Variants in VAV2 observed in about 807,000 individuals in gnomAD.
The protein encoded by VAV2 is guanine nucleotide exchange factor VAV2.
In VAV2, 67 loss-of-function variants were observed where a neutral mutation model predicts 132.5. That is an observed-to-expected ratio of 0.51 (90% CI 0.42 to 0.62). The LOEUF (loss-of-function observed/expected upper bound fraction) is 0.62, where lower values mean the gene tolerates loss of function less well. VAV2 is among the 20% of genes least tolerant of loss of function. The probability of loss-of-function intolerance (pLI) is 0.00; values close to 1 mark genes in which losing one functional copy is unlikely to be tolerated. For synonymous variants in VAV2, 492 were observed against 443.5 expected (o/e 1.11, Z -1.37); for missense variants, 938 against 1,153.6 (o/e 0.81, Z 2.71).
rs1051634926 is a variant in VAV2 at position 133,926,785 on chromosome 9, T to C, written c.321+12318A>G. ...CAGTAGGCAGTGGCCCCTGGCTCCC[T>C]GTCTTCCCAGGCTCCGATCATCTGA... On this transcript the variant is annotated intron_variant, in intron 2 of 29. Transcript: ENST00000371850. The surrounding 1 kb of genome is among the most constrained non-coding windows in gnomAD (Gnocchi z 4.3). 4.6e-5 allele frequency among the ~76,000 whole-genome samples: 7 copies of C among 152,166 alleles called. No individual in the cohort carries two copies. The highest frequency in any genetic ancestry group is 1.7e-4 in the African/African-American group (7 of 41,442).
In VAV2 at chr9:133,784,431, A is replaced by C. The variant is rs367992984; in HGVS notation, c.1533-13T>G. ...CTTGATGTTTGACCTGGCAGGAGGG[A>C]AAGAGAGCAGATGCTACACCCACTG... On this transcript the variant is annotated splice_polypyrimidine_tract_variant and intron_variant, in intron 17 of 29. Coordinates refer to ENST00000371850, the MANE Select transcript of VAV2 (RefSeq NM_001134398.2). 2.5e-6 allele frequency: 4 copies of C among 1,613,624 alleles called. No homozygotes were observed. The African/African-American group carries it at 5.3e-5, about 22-fold the overall frequency.
rs1382760456 is a variant in VAV2, at chr9:133,935,039, C to T, written c.321+4064G>A. On this transcript the variant is annotated intron_variant, in intron 2 of 29. Transcript: ENST00000371850. The surrounding 1 kb of genome is among the most constrained non-coding windows in gnomAD (Gnocchi z 5.2). ...TCGGTTACCCCTGACCAGCCCCACC[C>T]ACCCCAGACGACAGTCAGTTCTGAC... Among the ~76,000 whole-genome samples, 1 of 151,962 alleles carries T rather than the reference C, an allele frequency of 6.6e-6. No homozygotes were observed. The highest frequency in any genetic ancestry group is 6.6e-5 in the Admixed American group (1 of 15,254).
Position 133,768,324 on chromosome 9 carries a change from A to G in VAV2, c.2589+118T>C. 7.3e-7 allele frequency: 1 copy of G among 1,379,290 alleles called. No homozygotes were observed. The highest frequency in any genetic ancestry group is 9.8e-7 in the Non-Finnish European group (1 of 1,025,634). 85.4% of individuals were successfully genotyped at this position (1,379,290 alleles called of 1,614,324 possible). A position where few individuals can be genotyped will look rare whatever the true frequency, so the allele number is the denominator to read the frequency against. On this transcript the variant is annotated intron_variant, in intron 29 of 29. Transcript: ENST00000371850. This position sits in a 1 kb window ranked among gnomAD's most constrained non-coding sequence, Gnocchi z 5.3. ...GCTGTGAGGATGAGGGAGATTGCAG[A>G]GGGTGTCTGGAACAGGGCCTGGGGT...
intron 2 of VAV2, among the ~76,000 whole-genome samples, chr9:133,924,968 A>T (rs1016872901): frequency 6.6e-6 from 1 of 152,260 alleles, no homozygotes; most frequent in Non-Finnish European, 1.5e-5. Context: ...CCGACGCTAA[A>T]GGCCACATAT....
At position 133,797,818 on chromosome 9, in the gene VAV2, T is replaced by C. The variant is rs770810377; in HGVS notation, c.837-9A>G. 8.1e-6 allele frequency: 13 copies of C among 1,613,180 alleles called. 1 individual carries two copies. The highest frequency in any genetic ancestry group is 4.4e-5 in the South Asian group (4 of 90,960). ...CCCCGTAGATCAGAAGCCTGGACGG[T>C]GCACACACACGCACACACGCACACA... On this transcript the variant is annotated splice_polypyrimidine_tract_variant and intron_variant, in intron 9 of 29. Transcript: ENST00000371850.
chr9:133,856,062 G>A (rs1262183526), intron 3 of VAV2, among the ~76,000 whole-genome samples: 2 of 152,242 alleles, frequency 1.3e-5, no homozygotes, highest in Non-Finnish European at 2.9e-5. Context: ...CGAAAGGCAC[G>A]CACCGTATGA....
In VAV2 at chr9:133,788,124, G is replaced by A. The variant is rs1465058584; in HGVS notation, c.1407+230C>T. Among the ~76,000 whole-genome samples the A allele has an allele frequency of 6.6e-6, 1 of 152,176 alleles. No individual in the cohort carries two copies. The highest frequency in any genetic ancestry group is 1.5e-5 in the Non-Finnish European group (1 of 68,030). On this transcript the variant is annotated intron_variant, in intron 15 of 29. Coordinates refer to ENST00000371850, the MANE Select transcript of VAV2 (RefSeq NM_001134398.2). The surrounding 1 kb of genome is among the most constrained non-coding windows in gnomAD (Gnocchi z 5.3). Reference sequence around the variant, plus strand: ...GGATTCTGGTCTTGCCCACCTTTCTGGGGGGCGCTGGGCCCGGCGAGGAGC... The same window carrying A: ...GGATTCTGGTCTTGCCCACCTTTCTAGGGGGCGCTGGGCCCGGCGAGGAGC...
chr9:133,980,254 C>T (rs1016036858), intron 1 of VAV2, among the ~76,000 whole-genome samples: 3 of 152,316 alleles, frequency 2.0e-5, no homozygotes, highest in South Asian at 2.1e-4. Context: ...GAGACCTGCA[C>T]GGGCTGGCAC....
At chr9:133,895,795 C>T (rs554553043) in intron 2 of VAV2, among the ~76,000 whole-genome samples, 2 of 152,334 alleles carry the variant, frequency 1.3e-5, no homozygotes, top group East Asian at 3.9e-4. Context: ...CATGGTGTGT[C>T]AACTGCATCT....
intron 19 of VAV2, 94 bp downstream of exon 19, chr9:133,783,409 G>A: frequency 7.9e-7 from 1 of 1,265,330 alleles, no homozygotes. Flanking sequence ...TGCCCCGTGG[G>A]AGATGGTGCC....
Position 133,778,843 on chromosome 9 carries a change from A to G in VAV2, c.1809T>C (p.Pro603=). 2 of 1,612,700 alleles carry G rather than the reference A, an allele frequency of 1.2e-6. No homozygotes were observed. Among genetic ancestry groups the G allele is most frequent in the Non-Finnish European group, 1.7e-6 (2 of 1,179,806 alleles). ...AMQNYHGNPA[P]PGKPVLTFQT... is the part of the protein sequence containing the mutation. ...GGAAGGTCAGCACAGGCTTCCCGGG[A>G]GGGGCTGGGTTGCCATGGTAATTCT... The change falls in exon 22 of 30, where the codon CCT becomes CCC. Residue 603 remains proline, a synonymous_variant. Coordinates refer to ENST00000371850, the MANE Select transcript of VAV2 (RefSeq NM_001134398.2).
chr9:133,848,768 G>A (rs1355065560), intron 3 of VAV2, among the ~76,000 whole-genome samples: 1 of 152,186 alleles, frequency 6.6e-6, no homozygotes, highest in South Asian at 2.1e-4. Context: ...CTCCTGCGTC[G>A]TTCAGGCTCC....
intron 9 of VAV2, among the ~76,000 whole-genome samples, chr9:133,805,452 A>C (rs1359637403): frequency 6.6e-6 from 1 of 152,064 alleles, no homozygotes; most frequent in Non-Finnish European, 1.5e-5. Flanking sequence ...TGGAAACGCC[A>C]TCTCCCCAGC....
intron 15 of VAV2, among the ~76,000 whole-genome samples, 180 bp from the exon 16 acceptor site, chr9:133,787,440 G>C (rs1834273115): frequency 6.6e-6 from 1 of 152,218 alleles, no homozygotes; most frequent in Admixed American, 6.5e-5. Flanking sequence ...AGTGTTGGGT[G>C]CTGGTGGCAG....
At chr9:133,809,913 C>T (rs1185114181) in intron 6 of VAV2, among the ~76,000 whole-genome samples, 2 of 152,214 alleles carry the variant, frequency 1.3e-5, no homozygotes, top group African/African-American at 4.8e-5. Context: ...CCACAGCGCT[C>T]GTGTCGGCCC....
intron 2 of VAV2, among the ~76,000 whole-genome samples, chr9:133,869,792 G>A (rs1032787777): frequency 2.6e-5 from 4 of 152,094 alleles, no homozygotes; most frequent in African/African-American, 2.4e-5. Context: ...GGCCCCAGCC[G>A]CAGACCTTCC....
intron 1 of VAV2, among the ~76,000 whole-genome samples, chr9:133,990,102 G>C (rs1188609143): frequency 1.3e-5 from 2 of 152,178 alleles, no homozygotes; most frequent in Non-Finnish European, 2.9e-5. Context: ...AGGCTCTGGA[G>C]GTCGTTGCCT....
chr9:133,786,016 G>A, intron 16 of VAV2, 131 bp from the exon 17 acceptor site: 1 of 793,544 alleles, frequency 1.3e-6, no homozygotes, highest in South Asian at 1.5e-5. Context: ...GCCTGTGCCT[G>A]TGTGAACACA....
chr9:133,929,396 G>C (rs1840595961), intron 2 of VAV2, among the ~76,000 whole-genome samples: 1 of 152,194 alleles, frequency 6.6e-6, no homozygotes, highest in South Asian at 2.1e-4. Context: ...CCTGGTGACT[G>C]CCAGGTGCTA....
Sources: gnomAD v4.1 joint callset for allele counts (sites outside exome capture counted in the v4.1 genomes callset) on GRCh38, gnomAD v4.1.1 for gene constraint, Gnocchi (gnomAD v3.1) non-coding constraint, MANE v1.5 for transcripts, NCBI Gene and HGNC (gene_info 2026-07-23, HGNC 2026-07-21) for gene names.